The following MOBP variants were observed in gnomAD, a reference collection of about 807,000 sequenced individuals.
MOBP encodes myelin associated oligodendrocyte basic protein.
In MOBP, 5 loss-of-function variants were observed where a neutral mutation model predicts 15.0. That is an observed-to-expected ratio of 0.33 (90% CI 0.17 to 0.70). MOBP has a LOEUF of 0.70. Among genes scored for constraint, MOBP ranks in the 30% least tolerant of loss-of-function variants. The pLI, the probability that MOBP is intolerant of heterozygous loss-of-function variation, is 0.67. For missense variants in MOBP, 188 were observed against 257.8 expected (o/e 0.73, Z 1.85); for synonymous variants, 88 against 99.0 (o/e 0.89, Z 0.66).
In MOBP at chr3:39,480,076, G is replaced by T. The variant is rs771537347; in HGVS notation, c.-52G>T. On this transcript the variant is annotated 5_prime_UTR_variant, in exon 2 of 4. Coordinates refer to ENST00000684792, the MANE Select transcript of MOBP (RefSeq NM_001393704.1). The stretch of plus-strand genomic sequence containing the variant: ...AAAGAAGCAAATGATACCAAGACAA[G>T]CTCATAACAGAGATCCAATCAGCAG... 3 of 151,258 alleles carry T rather than the reference G, an allele frequency of 2.0e-5. No individual in the cohort carries two copies. Among genetic ancestry groups the T allele is most frequent in the African/African-American group, 7.3e-5 (3 of 41,208 alleles). The allele number at this position is 151,258 out of a possible 1,614,324, so 9.4% of individuals were successfully genotyped here. A position where few individuals can be genotyped will look rare whatever the true frequency, so the allele number is the denominator to read the frequency against.
chr3:39,505,650 G>A (rs2043038456), downstream of MOBP, among the ~76,000 whole-genome samples: 1 of 152,226 alleles, frequency 6.6e-6, no homozygotes, highest in African/African-American at 2.4e-5. Context: ...CCTGGGAGCT[G>A]TGTGTTGTTT....
At chr3:39,500,169 A>C in intron 2 of MOBP, 1 of 441,160 alleles carries the variant, frequency 2.3e-6, no homozygotes, top group South Asian at 1.6e-5. Context: ...TCTGGCCATT[A>C]GCACATTATG....
At chr3:39,469,320 CTAAT>C (rs1457334170) in intron 1 of MOBP, among the ~76,000 whole-genome samples, 8 of 115,368 alleles carry the variant, frequency 6.9e-5, no homozygotes, top group South Asian at 3.0e-4. Context: ...ATATTTATAT[CTAAT>C]TAATTTTAAT....
At chr3:39,498,345 T>G (rs1575307550) in intron 2 of MOBP, among the ~76,000 whole-genome samples, 1 of 148,682 alleles carries the variant, frequency 6.7e-6, no homozygotes, top group Non-Finnish European at 1.5e-5. Context: ...TGTTGTTGTT[T>G]TTGTTTTTAT....
In MOBP at chr3:39,502,353, G is replaced by A. The variant is rs1575311717; in HGVS notation, c.206+78G>A. ...GCTCCCAGCACGCCCCTCCCGCTCC[G>A]CACCCCACTCTTCCCCCTAGTCGGC... is the stretch of plus-strand genomic sequence containing the variant. On this transcript the variant is annotated intron_variant, in intron 3 of 3. Coordinates refer to ENST00000684792, the MANE Select transcript of MOBP (RefSeq NM_001393704.1). This position sits in a 1 kb window ranked among gnomAD's most constrained non-coding sequence, Gnocchi z 6.3. 2 of 1,590,734 alleles carry A rather than the reference G, an allele frequency of 1.3e-6. No homozygotes were observed.
chr3:39,497,636 T>C (rs1559422458), intron 2 of MOBP, among the ~76,000 whole-genome samples: 1 of 152,236 alleles, frequency 6.6e-6, no homozygotes, highest in African/African-American at 2.4e-5. Context: ...TTTAGTTTGT[T>C]AATAATGCCA....
At chr3:39,507,274 A>G (rs2043060553), downstream of MOBP, among the ~76,000 whole-genome samples, 1 of 152,238 alleles carries the variant, frequency 6.6e-6, no homozygotes, top group Non-Finnish European at 1.5e-5. Flanking sequence ...CTATCTCAGC[A>G]AATAACACAG....
intron 2 of MOBP, among the ~76,000 whole-genome samples, chr3:39,494,576 A>G (rs1036589722): frequency 1.3e-5 from 2 of 152,100 alleles, no homozygotes; most frequent in Non-Finnish European, 2.9e-5. Flanking sequence ...GTTTTTAACC[A>G]CTAAAGTAAA....
intron 2 of MOBP, among the ~76,000 whole-genome samples, chr3:39,493,693 T>C (rs2042834141): frequency 6.6e-6 from 1 of 152,220 alleles, no homozygotes; most frequent in African/African-American, 2.4e-5. Context: ...AAGTTCTAGA[T>C]GCTTTCCTAG....
downstream of MOBP, among the ~76,000 whole-genome samples, chr3:39,520,765 C>T (rs2043257260): frequency 6.6e-6 from 1 of 152,092 alleles, no homozygotes; most frequent in Admixed American, 6.6e-5. Flanking sequence ...GGTCATGGCT[C>T]CTGATACAGT....
chr3:39,511,185 G>A (rs1708002), intron 4 of MOBP, among the ~76,000 whole-genome samples: 48,035 of 152,064 alleles, frequency 0.32, 10,034 homozygotes, highest in African/African-American at 0.6. Context: ...TCTAGGGATT[G>A]GATTTACAAG....
At chr3:39,522,801 C>A (rs1288060818) in intron 3 of MOBP, among the ~76,000 whole-genome samples, 1 of 152,196 alleles carries the variant, frequency 6.6e-6, no homozygotes, top group African/African-American at 2.4e-5. Flanking sequence ...CTAAAACTTT[C>A]AGGTTGGTTT....
chr3:39,493,754 G>A (rs602408), intron 2 of MOBP, among the ~76,000 whole-genome samples: 45,279 of 152,072 alleles, frequency 0.3, 9,111 homozygotes, highest in African/African-American at 0.57. Context: ...CTCTTTGGGG[G>A]AAGGGAAGGA....
chr3:39,483,829 G>C (rs1211780966), intron 2 of MOBP, among the ~76,000 whole-genome samples: 1 of 152,180 alleles, frequency 6.6e-6, no homozygotes. Flanking sequence ...TTTCTATGGA[G>C]AGACAATTTT....
At chr3:39,468,673 T>C (rs1370503112) in intron 1 of MOBP, among the ~76,000 whole-genome samples, 1 of 151,944 alleles carries the variant, frequency 6.6e-6, no homozygotes, top group Non-Finnish European at 1.5e-5. Context: ...TGGGTGTATA[T>C]ATAAAAATAT....
downstream of MOBP, among the ~76,000 whole-genome samples, chr3:39,518,880 C>T (rs1256627007): frequency 6.6e-6 from 1 of 152,168 alleles, no homozygotes; most frequent in Non-Finnish European, 1.5e-5. Context: ...GACCTCTTTC[C>T]TAACAAGTAC....
chr3:39,486,174 T>G (rs537346268), intron 2 of MOBP, among the ~76,000 whole-genome samples: 1 of 152,308 alleles, frequency 6.6e-6, no homozygotes, highest in South Asian at 2.1e-4. Flanking sequence ...ACATTCTAGT[T>G]TACCTTGGTT....
downstream of MOBP, among the ~76,000 whole-genome samples, chr3:39,520,597 A>G (rs1393572337): frequency 2.1e-5 from 3 of 146,040 alleles, no homozygotes; most frequent in African/African-American, 7.8e-5. Flanking sequence ...AGAGAGAGAC[A>G]GAGAGAGAGA....
At chr3:39,485,443 T>C (rs956905697) in intron 2 of MOBP, among the ~76,000 whole-genome samples, 2 of 152,162 alleles carry the variant, frequency 1.3e-5, no homozygotes, top group Non-Finnish European at 2.9e-5. Context: ...AGCTGGTGAA[T>C]GTGGAATGAA....
Sources: gnomAD v4.1 joint callset for allele counts (sites outside exome capture counted in the v4.1 genomes callset) on GRCh38, gnomAD v4.1.1 for gene constraint, Gnocchi (gnomAD v3.1) non-coding constraint, MANE v1.5 for transcripts, NCBI Gene and HGNC (gene_info 2026-07-23, HGNC 2026-07-21) for gene names.